CDCP1: variants seen among roughly 807,000 people sequenced by gnomAD.
CDCP1 encodes the protein CUB domain containing protein 1.
In CDCP1, 29 loss-of-function variants were observed where a neutral mutation model predicts 60.2. The ratio of observed to expected loss-of-function variants is 0.48; its 90% CI spans 0.36 to 0.66. The LOEUF is 0.66. Ranked by LOEUF, CDCP1 falls within the 30% of genes least tolerant of loss-of-function variation. The pLI, the probability that CDCP1 is intolerant of heterozygous loss-of-function variation, is 0.00. For synonymous variants in CDCP1, 387 were observed against 431.1 expected, an observed-to-expected ratio of 0.90 and a Z score of 1.27; for missense variants, 876 against 1,074.3, an observed-to-expected ratio of 0.82 and a Z score of 2.58.
At chr3:45,146,089 T>TCTCCGCACCCTCCGCACC (rs142688846) in intron 1 of CDCP1, 117 bp downstream of exon 1, 186 of 852,100 alleles carry the variant, frequency 2.2e-4, no homozygotes, top group Middle Eastern at 2.0e-3. Context: ...CCCCGCCCTC[T>TCTCCGCACCCTCCGCACC]CTCCGCACCC....
chr3:45,103,794 C>T (rs752940712), intron 4 of CDCP1, among the ~76,000 whole-genome samples: 4 of 152,232 alleles, frequency 2.6e-5, no homozygotes, highest in South Asian at 2.1e-4. Flanking sequence ...CAGCAAGAGG[C>T]TCTCACCAGA....
At chr3:45,116,213 T>TA (rs1424343431) in intron 2 of CDCP1, among the ~76,000 whole-genome samples, 20 of 136,032 alleles carry the variant, frequency 1.5e-4, no homozygotes, top group Non-Finnish European at 3.1e-5. Flanking sequence ...GAAAGACATT[T>TA]AAAATCTATG....
chr3:45,087,831 A>G (rs1470510969), intron 8 of CDCP1, among the ~76,000 whole-genome samples: 1 of 152,080 alleles, frequency 6.6e-6, no homozygotes, highest in African/African-American at 2.4e-5. Context: ...CATCCTGGCC[A>G]ACATGGTGAA....
At chr3:45,137,435 A>G (rs1699207253) in intron 1 of CDCP1, among the ~76,000 whole-genome samples, 1 of 152,082 alleles carries the variant, frequency 6.6e-6, no homozygotes, top group Non-Finnish European at 1.5e-5. Flanking sequence ...GGCTAGAAGA[A>G]GTTATGTTGA....
chr3:45,111,806 A>G (rs921333394), intron 3 of CDCP1, among the ~76,000 whole-genome samples: 1 of 152,252 alleles, frequency 6.6e-6, no homozygotes, highest in African/African-American at 2.4e-5. Context: ...AAATGAAGCA[A>G]TCAAGGTGGG....
intron 4 of CDCP1, among the ~76,000 whole-genome samples, chr3:45,105,968 T>A (rs1698558766): frequency 6.6e-6 from 1 of 152,198 alleles, no homozygotes; most frequent in Non-Finnish European, 1.5e-5. Flanking sequence ...GCTGAAGCTA[T>A]CACTGCTTAC....
chr3:45,135,304 A>G (rs561931205), intron 1 of CDCP1, among the ~76,000 whole-genome samples: 1 of 151,994 alleles, frequency 6.6e-6, no homozygotes. Context: ...ATAGAAAAAA[A>G]AAAAAACAAA....
At chr3:45,109,830 T>G (rs538986371) in intron 4 of CDCP1, among the ~76,000 whole-genome samples, 1 of 152,200 alleles carries the variant, frequency 6.6e-6, no homozygotes, top group Non-Finnish European at 1.5e-5. Context: ...TCTCAGCAAC[T>G]TTTGTGGAAT....
chr3:45,120,924 T>G (rs200381504), intron 1 of CDCP1, among the ~76,000 whole-genome samples: 1 of 634 alleles, frequency 1.6e-3, no homozygotes, highest in South Asian at 0.062. Context: ...CCCCACCACT[T>G]CAGTCCTCCT....
chr3:45,098,813 T>G (rs1399387780), intron 4 of CDCP1, among the ~76,000 whole-genome samples: 2 of 152,160 alleles, frequency 1.3e-5, no homozygotes, highest in African/African-American at 4.8e-5. Context: ...CTGCATAAAA[T>G]TTTGTGTTCC....
intron 3 of CDCP1, among the ~76,000 whole-genome samples, chr3:45,111,207 C>T (rs931415855): frequency 6.6e-5 from 10 of 152,090 alleles, no homozygotes; most frequent in African/African-American, 1.9e-4. Context: ...CATACAGATA[C>T]GACAACACAA....
chr3:45,132,173 T>C (rs1576118061), intron 1 of CDCP1, among the ~76,000 whole-genome samples: 1 of 151,414 alleles, frequency 6.6e-6, no homozygotes, highest in Non-Finnish European at 1.5e-5. Context: ...GAGGCAGAGG[T>C]TGCAGTGAGC....
chr3:45,088,134 C>A (rs932331336), intron 8 of CDCP1, among the ~76,000 whole-genome samples: 1 of 152,164 alleles, frequency 6.6e-6, no homozygotes, highest in Non-Finnish European at 1.5e-5. Flanking sequence ...AGAATTTATA[C>A]AGTTTGGCGG....
At chr3:45,089,790 G>T (rs758396180) in intron 7 of CDCP1, among the ~76,000 whole-genome samples, 21 of 152,198 alleles carry the variant, frequency 1.4e-4, no homozygotes, top group Non-Finnish European at 2.6e-4. Flanking sequence ...GCCTACAACA[G>T]GTGTGTTCCA....
At chr3:45,112,564 AC>A in intron 2 of CDCP1, 119 bp from the exon 3 acceptor site, 1 of 1,428,182 alleles carries the variant, frequency 7.0e-7, no homozygotes, top group Non-Finnish European at 9.4e-7. Flanking sequence ...GGTGGCCTTT[AC>A]CAGGCAGGGG....
In CDCP1 at chr3:45,134,981, T is replaced by C. The variant is rs144881552; in HGVS notation, c.82+11225A>G. Among the ~76,000 whole-genome samples, 162 of 152,222 alleles carry C rather than the reference T, an allele frequency of 1.1e-3. 1 individual carries two copies. Among genetic ancestry groups the C allele is most frequent in the African/African-American group, 3.7e-3 (154 of 41,524 alleles). On this transcript the variant is annotated intron_variant, in intron 1 of 8. Transcript: ENST00000296129. ...ACTATATCAACAAGGATAGTCATGG[T>C]AGAAGATACATTCACAAGGGTGACT...
At chr3:45,109,028 C>T (rs1220776567) in intron 4 of CDCP1, among the ~76,000 whole-genome samples, 1 of 146,478 alleles carries the variant, frequency 6.8e-6, no homozygotes, top group African/African-American at 2.5e-5. Flanking sequence ...CGGTTCACTG[C>T]AACCTCTGCC....
At position 45,143,223 on chromosome 3, in the gene CDCP1, T is replaced by G. The variant is rs72865130; in HGVS notation, c.82+2983A>C. Among the ~76,000 whole-genome samples, 1,397 of 151,956 alleles carry G rather than the reference T, an allele frequency of 9.2e-3. 21 individuals are homozygous for G. Among genetic ancestry groups the G allele is most frequent in the East Asian group, 0.032 (165 of 5,170 alleles). ...CTGTCTCAAAAATTTAAAAAAAGAG[T>G]GTGCAGAACAACACAGCTGAAGAAC... On this transcript the variant is annotated intron_variant, in intron 1 of 8. Transcript: ENST00000296129.
At chr3:45,142,887 C>CT (rs1337619884) in intron 1 of CDCP1, among the ~76,000 whole-genome samples, 1 of 152,232 alleles carries the variant, frequency 6.6e-6, no homozygotes, top group Non-Finnish European at 1.5e-5. Flanking sequence ...GCTTCCAGAA[C>CT]TGTAGCTGGA....
Sources: gnomAD v4.1 joint callset for allele counts (sites outside exome capture counted in the v4.1 genomes callset) on GRCh38, gnomAD v4.1.1 for gene constraint, MANE v1.5 for transcripts, NCBI Gene and HGNC (gene_info 2026-07-23, HGNC 2026-07-21) for gene names.